The following DMD variants were observed in gnomAD, a reference collection of about 807,000 sequenced individuals.
DMD encodes mutant dystrophin.
In DMD, 63 loss-of-function variants were observed where a neutral mutation model predicts 330.1. The observed-to-expected ratio is 0.19, with a 90% confidence interval of 0.16 to 0.24. The LOEUF (loss-of-function observed/expected upper bound fraction) is 0.24. Ranked by LOEUF, DMD falls within the 10% of genes least tolerant of loss-of-function variation. DMD has a pLI of 1.00. For synonymous variants in DMD, 1,223 were observed against 959.8 expected, an observed-to-expected ratio of 1.27 and a Z score of -5.07; for missense variants, 3,344 against 2,684.1, an observed-to-expected ratio of 1.25 and a Z score of -5.43.
chrX:31,399,922 A>T (rs938711687), intron 60 of DMD, among the ~76,000 whole-genome samples: 1 of 111,837 alleles, frequency 8.9e-6, no homozygotes, highest in Non-Finnish European at 1.9e-5. Flanking sequence ...TAAAAACTGA[A>T]GATAATAGAG....
intron 41 of DMD, among the ~76,000 whole-genome samples, chrX:32,324,253 A>G (rs1259580475): frequency 8.9e-6 from 1 of 111,733 alleles, no homozygotes; most frequent in Non-Finnish European, 1.9e-5. Flanking sequence ...TATTACATGT[A>G]CCCTATAAAG....
intron 2 of DMD, among the ~76,000 whole-genome samples, chrX:32,968,245 A>G (rs1377134024): frequency 1.7e-5 from 1 of 60,133 alleles, no homozygotes; most frequent in Non-Finnish European, 2.7e-5. Context: ...CAACTTTCAA[A>G]CAGATTTTTT....
At chrX:31,583,769 T>C (rs1569552605) in intron 55 of DMD, among the ~76,000 whole-genome samples, 1 of 109,141 alleles carries the variant, frequency 9.2e-6, no homozygotes, top group African/African-American at 3.3e-5. Context: ...ATATATTTTA[T>C]TATTATACTT....
chrX:32,767,103 A>T (rs1170281038), intron 7 of DMD, among the ~76,000 whole-genome samples: 2 of 111,595 alleles, frequency 1.8e-5, no homozygotes. Flanking sequence ...ACATTAAAAT[A>T]AAATATTCTC....
At chrX:31,246,855 G>A (rs189576386) in intron 63 of DMD, among the ~76,000 whole-genome samples, 1 of 110,567 alleles carries the variant, frequency 9.0e-6, no homozygotes, top group East Asian at 2.8e-4. Flanking sequence ...GAACCCGGGA[G>A]GTGGAGGTTG....
intron 1 of DMD, among the ~76,000 whole-genome samples, chrX:33,087,412 T>C (rs1203648211): frequency 8.9e-6 from 1 of 112,037 alleles, no homozygotes; most frequent in Non-Finnish European, 1.9e-5. Context: ...AAAATACATA[T>C]TTGTGTTGAT....
intron 57 of DMD, among the ~76,000 whole-genome samples, chrX:31,483,141 G>T (rs1336808272): frequency 9.7e-6 from 1 of 102,782 alleles, no homozygotes; most frequent in African/African-American, 3.6e-5. Context: ...CCACCTCCCA[G>T]GTTCATGCCA....
chrX:32,990,720 C>T (rs143887557), intron 2 of DMD, among the ~76,000 whole-genome samples: 2,541 of 111,476 alleles, frequency 0.023, 72 homozygotes, highest in African/African-American at 0.077. Context: ...CTACACCCCT[C>T]TCACCTGGAG....
chrX:31,721,684 CACT>C (rs2085509154), intron 52 of DMD, among the ~76,000 whole-genome samples: 14 of 68,526 alleles, frequency 2.0e-4, no homozygotes, highest in Middle Eastern at 8.0e-3. Flanking sequence ...CTCTCTCTCT[CACT>C]CTCTCTCTCT....
intron 34 of DMD, among the ~76,000 whole-genome samples, chrX:32,376,359 T>C (rs1353402657): frequency 8.9e-6 from 1 of 111,854 alleles, no homozygotes; most frequent in Middle Eastern, 4.6e-3. Flanking sequence ...TCAATGCTAG[T>C]AGTACCTCTC....
In DMD at chrX:32,055,010, C is replaced by T. The variant is rs971149547; in HGVS notation, c.6439-86496G>A. Among the ~76,000 whole-genome samples the T allele has an allele frequency of 7.2e-5, 8 of 111,354 alleles. No individual in the cohort carries two copies. The East Asian group carries it at 2.3e-3, about 32-fold the overall frequency. The stretch of plus-strand genomic sequence containing the variant: ...TCTGTGCAAAAACGTTAAGAACGAA[C>T]TTTGGAAGAAAACTATGCATGGTGA... On this transcript the variant is annotated intron_variant, in intron 44 of 78. Transcript: ENST00000357033.
At chrX:32,061,856 A>T (rs143518903) in intron 44 of DMD, among the ~76,000 whole-genome samples, 3 of 111,485 alleles carry the variant, frequency 2.7e-5, no homozygotes, top group Non-Finnish European at 5.7e-5. Flanking sequence ...AAACATGCTC[A>T]GCCTTCCTAT....
chrX:32,879,606 C>T (rs1384476323), intron 2 of DMD, among the ~76,000 whole-genome samples: 2 of 112,120 alleles, frequency 1.8e-5, no homozygotes, highest in African/African-American at 6.5e-5. Context: ...TTCCAATAAA[C>T]ATATATGTGT....
intron 2 of DMD, among the ~76,000 whole-genome samples, chrX:32,893,430 T>C (rs1449587817): frequency 1.9e-5 from 2 of 103,340 alleles, no homozygotes; most frequent in Non-Finnish European, 4.0e-5. Flanking sequence ...ACCTATCTCC[T>C]ATATATGTTT....
rs375937522 is a variant in DMD at position 32,454,869 on chromosome X, C to A, written c.3433-37G>T. The A allele has an allele frequency of 1.1e-3, 1,350 of 1,183,755 alleles. No homozygotes were observed. The highest frequency in any genetic ancestry group is 1.4e-3 in the Non-Finnish European group (1,247 of 876,567). ...CAAACAAACAAAACACGATTATTGA[C>A]AGTGATGAAACATTATTATTATATT... On this transcript the variant is annotated intron_variant, in intron 25 of 78. Transcript: ENST00000357033.
intron 1 of DMD, among the ~76,000 whole-genome samples, chrX:33,163,771 A>G (rs2048921970): frequency 9.2e-6 from 1 of 109,009 alleles, no homozygotes; most frequent in Admixed American, 1.0e-4. Flanking sequence ...TCTTCAAAGT[A>G]AAAACATTCT....
At position 31,119,250 on chromosome X, in the gene DMD, T is replaced by G. The variant is rs2031919278; in HGVS notation, c.*2669A>C. On this transcript the variant is annotated 3_prime_UTR_variant, in exon 79 of 79. Coordinates refer to ENST00000357033, the MANE Select transcript of DMD (RefSeq NM_004006.3). ...TTTGTAACATAACTGCGTGCTTTATTGAGATACACAGTAAAGCAGTACTAT... is the reference window on the plus strand; with the variant it reads ...TTTGTAACATAACTGCGTGCTTTATGGAGATACACAGTAAAGCAGTACTAT... 1 of 112,486 alleles carries G rather than the reference T, an allele frequency of 8.9e-6. No homozygotes were observed. The highest frequency in any genetic ancestry group is 3.7e-4 in the South Asian group (1 of 2,708). The allele number at this position is 112,486 out of a possible 1,213,427, so 9.3% of individuals were successfully genotyped here. A position where few individuals can be genotyped will look rare whatever the true frequency, so the allele number is the denominator to read the frequency against.
chrX:31,132,030 C>A (rs769651325), intron 77 of DMD, among the ~76,000 whole-genome samples: 7 of 111,833 alleles, frequency 6.3e-5, no homozygotes, highest in African/African-American at 1.3e-4. Context: ...AATTTATTTT[C>A]TCAGGCCACA....
intron 1 of DMD, among the ~76,000 whole-genome samples, chrX:33,252,438 C>T (rs1434603978): frequency 1.8e-5 from 2 of 111,413 alleles, no homozygotes; most frequent in Non-Finnish European, 3.8e-5. Flanking sequence ...TCTCTCTGCT[C>T]TCCACAGGGC....
Sources: allele counts gnomAD v4.1 joint callset (sites outside exome capture counted in the v4.1 genomes callset), GRCh38; gene constraint gnomAD v4.1.1; transcripts MANE v1.5; gene names NCBI Gene and HGNC (gene_info 2026-07-23, HGNC 2026-07-21).